Variants in CDH12 observed in about 807,000 individuals in gnomAD.
CDH12 encodes cadherin-12.
A neutral mutation model predicts 74.1 loss-of-function variants in CDH12; 41 were observed. The ratio of observed to expected loss-of-function variants is 0.55; its 90% CI spans 0.43 to 0.72. CDH12 has a LOEUF of 0.72. Among genes scored for constraint, CDH12 ranks in the 30% least tolerant of loss-of-function variants. The pLI, the probability that CDH12 is intolerant of heterozygous loss-of-function variation, is 0.00. For missense variants in CDH12, 945 were observed against 977.2 expected, an observed-to-expected ratio of 0.97 and a Z score of 0.44; for synonymous variants, 399 against 355.0, an observed-to-expected ratio of 1.12 and a Z score of -1.39.
intron 1 of CDH12, among the ~76,000 whole-genome samples, chr5:22,671,324 T>C (rs1444752173): frequency 6.6e-6 from 1 of 152,168 alleles, no homozygotes; most frequent in East Asian, 1.9e-4. Context: ...TGTACAAGGC[T>C]GTATTGCACT....
rs113615637 is a variant in CDH12 at position 22,568,536 on chromosome 5, C to G, written c.-522-63172G>C. 6.6e-3 allele frequency among the ~76,000 whole-genome samples: 1,002 copies of G among 152,206 alleles called. 10 individuals are homozygous for G. The highest frequency in any genetic ancestry group is 0.022 in the African/African-American group (921 of 41,552). On this transcript the variant is annotated intron_variant, in intron 1 of 14. Coordinates refer to ENST00000382254, the MANE Select transcript of CDH12 (RefSeq NM_004061.5). Reference sequence around the variant, plus strand: ...ACACATCTGCACCCAAATTCAATAACTCCTAAGTGATGTAGGCAACAGAAT... The same window carrying G: ...ACACATCTGCACCCAAATTCAATAAGTCCTAAGTGATGTAGGCAACAGAAT...
intron 4 of CDH12, among the ~76,000 whole-genome samples, chr5:22,200,246 A>G (rs1750851405): frequency 6.6e-6 from 1 of 152,206 alleles, no homozygotes; most frequent in African/African-American, 2.4e-5. Flanking sequence ...TATCAAGTAC[A>G]ACATAGCCAA....
At chr5:22,330,693 G>A (rs1227624406) in intron 3 of CDH12, among the ~76,000 whole-genome samples, 4 of 147,722 alleles carry the variant, frequency 2.7e-5, no homozygotes, top group Non-Finnish European at 5.9e-5. Context: ...GGAGGTAGCA[G>A]TGAGCCGAGA....
intron 1 of CDH12, among the ~76,000 whole-genome samples, chr5:22,842,163 T>C (rs1360416818): frequency 6.6e-6 from 1 of 152,164 alleles, no homozygotes; most frequent in African/African-American, 2.4e-5. Context: ...TCAAATTCTG[T>C]TAGTCATGAC....
At chr5:22,654,779 C>G (rs536815018) in intron 1 of CDH12, among the ~76,000 whole-genome samples, 6 of 151,874 alleles carry the variant, frequency 4.0e-5, no homozygotes, top group Admixed American at 2.6e-4. Context: ...TACAGGCATG[C>G]ACCACCAAGC....
At chr5:22,398,969 G>C (rs1000529472) in intron 3 of CDH12, among the ~76,000 whole-genome samples, 26 of 152,028 alleles carry the variant, frequency 1.7e-4, no homozygotes, top group African/African-American at 6.3e-4. Flanking sequence ...ACTGAGGTAT[G>C]GGCAAATAGC....
At chr5:22,711,964 T>C (rs1186457484) in intron 1 of CDH12, among the ~76,000 whole-genome samples, 1 of 152,068 alleles carries the variant, frequency 6.6e-6, no homozygotes, top group Non-Finnish European at 1.5e-5. Flanking sequence ...TTTTCTAATA[T>C]TTACTTTGTT....
At chr5:22,333,271 C>T (rs1020903337) in intron 3 of CDH12, among the ~76,000 whole-genome samples, 3 of 151,840 alleles carry the variant, frequency 2.0e-5, no homozygotes, top group East Asian at 3.9e-4. Context: ...ATAATGATAA[C>T]ACATGGACAC....
intron 1 of CDH12, among the ~76,000 whole-genome samples, chr5:22,723,040 A>G (rs1192571453): frequency 6.6e-6 from 1 of 152,196 alleles, no homozygotes; most frequent in Admixed American, 6.5e-5. Context: ...GAGGAGCAAT[A>G]TAACTCAATA....
chr5:22,283,103 G>A (rs909210250), intron 3 of CDH12, among the ~76,000 whole-genome samples: 1 of 151,456 alleles, frequency 6.6e-6, no homozygotes, highest in African/African-American at 2.4e-5. Flanking sequence ...GGACATGGAT[G>A]AATATTTGTC....
intron 3 of CDH12, among the ~76,000 whole-genome samples, chr5:22,322,551 A>T (rs963794490): frequency 6.6e-6 from 1 of 152,206 alleles, no homozygotes. Context: ...GATGACGATG[A>T]TGATCATGAT....
In CDH12 at chr5:22,693,524, T is replaced by G. The variant is rs922967980; in HGVS notation, c.-523+159534A>C. ...TAACCCATTTTGTGTGCCTTTTCTT[T>G]TAAAAATAACAATGATTTTTGAAAA... is the stretch of plus-strand genomic sequence containing the variant. On this transcript the variant is annotated intron_variant, in intron 1 of 14. Transcript: ENST00000382254. Among the ~76,000 whole-genome samples the G allele has an allele frequency of 7.9e-5, 12 of 152,122 alleles. 1 individual carries two copies. The highest frequency in any genetic ancestry group is 1.6e-4 in the Non-Finnish European group (11 of 68,016).
At chr5:21,806,515 G>T (rs1238436175) in intron 9 of CDH12, among the ~76,000 whole-genome samples, 4 of 152,106 alleles carry the variant, frequency 2.6e-5, no homozygotes, top group African/African-American at 4.8e-5. Flanking sequence ...ACCTGGTTTT[G>T]TCCATGCTCT....
intron 3 of CDH12, among the ~76,000 whole-genome samples, chr5:22,253,319 TATAA>T (rs542531838): frequency 4.9e-4 from 75 of 152,062 alleles, no homozygotes; most frequent in Admixed American, 1.5e-3. Flanking sequence ...AGCTTTAGCT[TATAA>T]ATAAATAACT....
chr5:22,118,097 TAA>T (rs1745279915), intron 4 of CDH12, among the ~76,000 whole-genome samples: 2 of 152,118 alleles, frequency 1.3e-5, no homozygotes, highest in African/African-American at 4.8e-5. Flanking sequence ...CTAAGAAATA[TAA>T]GTCAAGTATA....
At chr5:22,831,351 T>TTGTGTGTGTGTGTGTGTGTGTGTGTGTG (rs1554007029) in intron 1 of CDH12, among the ~76,000 whole-genome samples, 1 of 138,540 alleles carries the variant, frequency 7.2e-6, no homozygotes, top group African/African-American at 2.8e-5. Flanking sequence ...GTTTTGGAGT[T>TTGTGTGTGTGTGTGTGTGTGTGTGTGTG]TGTGTGTGTG....
intron 4 of CDH12, among the ~76,000 whole-genome samples, chr5:22,137,590 G>A (rs1352580535): frequency 6.6e-6 from 1 of 151,990 alleles, no homozygotes; most frequent in Non-Finnish European, 1.5e-5. Flanking sequence ...AGATCCTCTC[G>A]ATCCATCCCA....
intron 1 of CDH12, among the ~76,000 whole-genome samples, chr5:22,829,477 A>T (rs985772336): frequency 1.3e-5 from 2 of 152,174 alleles, no homozygotes; most frequent in Non-Finnish European, 2.9e-5. Flanking sequence ...CAGTTATTTC[A>T]TCCATTGTGT....
intron 4 of CDH12, among the ~76,000 whole-genome samples, chr5:22,194,926 A>G (rs10080173): frequency 0.98 from 148,658 of 152,076 alleles, 72,777 homozygotes; most frequent in East Asian, 1. Context: ...AGTATAAGCG[A>G]GCACCTTGGG....
Sources: allele counts gnomAD v4.1 joint callset (sites outside exome capture counted in the v4.1 genomes callset), GRCh38; gene constraint gnomAD v4.1.1; transcripts MANE v1.5; gene names NCBI Gene and HGNC (gene_info 2026-07-23, HGNC 2026-07-21).